The following FER variants were observed in gnomAD, a reference collection of about 807,000 sequenced individuals.
The protein encoded by FER is tyrosine-protein kinase Fer.
Under a neutral mutation model 111.0 loss-of-function variants are expected in FER, and 63 were observed. The observed-to-expected ratio is 0.57, with a 90% confidence interval of 0.46 to 0.70. The LOEUF (loss-of-function observed/expected upper bound fraction) is 0.70. Among genes scored for constraint, FER ranks in the 30% least tolerant of loss-of-function variants. The pLI, the probability that FER is intolerant of heterozygous loss-of-function variation, is 0.00. For missense variants in FER, 914 were observed against 954.0 expected (o/e 0.96, Z 0.55); for synonymous variants, 327 against 313.9 (o/e 1.04, Z -0.44).
chr5:109,024,634 T>G (rs1192385772), intron 13 of FER, among the ~76,000 whole-genome samples: 1 of 152,158 alleles, frequency 6.6e-6, no homozygotes, highest in Non-Finnish European at 1.5e-5. Context: ...TCTTTTTTGC[T>G]CTTTGAAGAT....
intron 17 of FER, among the ~76,000 whole-genome samples, chr5:109,146,244 A>ATATT (rs373376729): frequency 0.09 from 5,969 of 66,054 alleles, 826 homozygotes; most frequent in South Asian, 0.13. Context: ...ATATATATAT[A>ATATT]ATCTATCTAA....
At chr5:109,175,918 G>A (rs984357841) in intron 17 of FER, among the ~76,000 whole-genome samples, 15 of 152,202 alleles carry the variant, frequency 9.9e-5, no homozygotes, top group African/African-American at 3.6e-4. Context: ...GATGGAGGTT[G>A]CAGTGAGCCG....
intron 5 of FER, among the ~76,000 whole-genome samples, chr5:108,845,067 T>TATATATACAC (rs1486282738): frequency 5.2e-4 from 28 of 53,886 alleles, no homozygotes; most frequent in African/African-American, 2.0e-3. Flanking sequence ...TATATATATA[T>TATATATACAC]ACACACACAC....
intron 18 of FER, among the ~76,000 whole-genome samples, chr5:109,183,748 C>A (rs6865751): frequency 6.6e-6 from 1 of 151,802 alleles, no homozygotes; most frequent in African/African-American, 2.4e-5. Context: ...CTGGGCAACA[C>A]AGCGAGACCC....
At chr5:109,089,732 A>G (rs1446029729) in intron 16 of FER, among the ~76,000 whole-genome samples, 1 of 152,192 alleles carries the variant, frequency 6.6e-6, no homozygotes, top group Admixed American at 6.5e-5. Context: ...CCAGGAGCAT[A>G]TTTCTCAGCT....
chr5:108,949,976 A>C (rs139680184), intron 11 of FER, among the ~76,000 whole-genome samples: 59 of 152,280 alleles, frequency 3.9e-4, no homozygotes, highest in African/African-American at 1.3e-3. Flanking sequence ...AAAGCATGTT[A>C]TTACCAATAA....
intron 16 of FER, among the ~76,000 whole-genome samples, chr5:109,068,989 TTAAC>T (rs1366853835): frequency 6.6e-6 from 1 of 152,218 alleles, no homozygotes; most frequent in Non-Finnish European, 1.5e-5. Context: ...AGTCCAAATG[TTAAC>T]TAACTAATTA....
intron 17 of FER, among the ~76,000 whole-genome samples, chr5:109,113,263 G>C (rs1749842093): frequency 6.6e-6 from 1 of 152,046 alleles, no homozygotes; most frequent in African/African-American, 2.4e-5. Flanking sequence ...TCTGTCCTAG[G>C]AACTTCTGCT....
rs769917497 is a variant in FER, at chr5:109,183,145, TGA to T, written c.2203+2250_2203+2251del. 3.1e-4 allele frequency among the ~76,000 whole-genome samples: 47 copies of T among 152,056 alleles called. 1 individual carries two copies. Among genetic ancestry groups the T allele is most frequent in the Admixed American group, 1.4e-3 (21 of 15,270 alleles). On this transcript the variant is annotated intron_variant, in intron 18 of 19. Coordinates refer to ENST00000281092, the MANE Select transcript of FER (RefSeq NM_005246.4). ...TTATAGTATTTAATACCCAGTCCAA[TGA>T]GAGAGTTCCTGAAAGACTCTACAAG...
chr5:109,020,677 G>T (rs1388712736), intron 13 of FER, among the ~76,000 whole-genome samples: 1 of 151,916 alleles, frequency 6.6e-6, no homozygotes, highest in Non-Finnish European at 1.5e-5. Context: ...TGAACTTTTG[G>T]CACACACTTC....
Position 108,959,356 on chromosome 5 carries a change from T to G in FER, c.1656+9T>G. On this transcript the variant is annotated intron_variant, in intron 13 of 19. Coordinates refer to ENST00000281092, the MANE Select transcript of FER (RefSeq NM_005246.4). ...TGAATCCTATTCCTAAGGTAGGTGC[T>G]TATATACTTTTTTGTCTGTTTGTTT... 6.3e-7 allele frequency: 1 copy of G among 1,590,488 alleles called. No individual in the cohort carries two copies. The highest frequency in any genetic ancestry group is 1.8e-5 in the Admixed American group (1 of 55,108).
At chr5:109,149,739 A>G (rs1754616004) in intron 17 of FER, among the ~76,000 whole-genome samples, 1 of 152,184 alleles carries the variant, frequency 6.6e-6, no homozygotes, top group African/African-American at 2.4e-5. Flanking sequence ...GGAAAACAAC[A>G]AAACCATGTG....
At chr5:108,840,152 T>C (rs1187708056) in intron 5 of FER, among the ~76,000 whole-genome samples, 2 of 152,182 alleles carry the variant, frequency 1.3e-5, no homozygotes, top group Non-Finnish European at 2.9e-5. Flanking sequence ...GATCGGTAAA[T>C]GCTTTAGCTT....
intron 5 of FER, among the ~76,000 whole-genome samples, chr5:108,863,755 C>G (rs1240749242): frequency 6.6e-6 from 1 of 152,090 alleles, no homozygotes; most frequent in Admixed American, 6.5e-5. Context: ...GAAAAAATCA[C>G]TGGGCATACC....
chr5:108,907,285 C>CTTCTT lies in FER; in HGVS notation c.1236+9455_1236+9459dup, dbSNP rs532809048. Reference sequence around the variant, plus strand: ...CTTCTCATTAAACACAATTAGCCAACTTCTTTTCTTTTCTTTTCTTTTTTT... The same window carrying CTTCTT: ...CTTCTCATTAAACACAATTAGCCAACTTCTTTTCTTTTCTTTTCTTTTCTTTTTTT... On this transcript the variant is annotated intron_variant, in intron 10 of 19. Transcript: ENST00000281092. Among the ~76,000 whole-genome samples, 264 of 151,618 alleles carry CTTCTT rather than the reference C, an allele frequency of 1.7e-3. 2 individuals carry two copies. The highest frequency in any genetic ancestry group is 2.8e-3 in the Non-Finnish European group (193 of 67,864).
At chr5:108,983,402 G>T (rs1762216909) in intron 13 of FER, among the ~76,000 whole-genome samples, 1 of 151,838 alleles carries the variant, frequency 6.6e-6, no homozygotes, top group African/African-American at 2.4e-5. Context: ...TTGTGCTTTT[G>T]GTTTAAACCA....
At chr5:108,842,962 GCA>G (rs1761425599) in intron 5 of FER, 1 of 152,212 alleles carries the variant, frequency 6.6e-6, no homozygotes, top group African/African-American at 2.4e-5. Flanking sequence ...GTTTATAGCA[GCA>G]CAATTCACAA....
chr5:108,939,863 T>TA, intron 10 of FER, among the ~76,000 whole-genome samples: 1 of 152,118 alleles, frequency 6.6e-6, no homozygotes, highest in East Asian at 1.9e-4. Context: ...GGAGCTCTGA[T>TA]AAGAGTATTA....
intron 9 of FER, among the ~76,000 whole-genome samples, chr5:108,883,861 G>C (rs1282548700): frequency 2.0e-5 from 3 of 151,870 alleles, no homozygotes; most frequent in African/African-American, 7.2e-5. Flanking sequence ...GAATTCCCCT[G>C]TTAAGAAAGT....
Sources: gnomAD v4.1 joint callset for allele counts (sites outside exome capture counted in the v4.1 genomes callset) on GRCh38, gnomAD v4.1.1 for gene constraint, MANE v1.5 for transcripts, NCBI Gene and HGNC (gene_info 2026-07-23, HGNC 2026-07-21) for gene names.